MYO9A: variants seen among roughly 807,000 people sequenced by gnomAD.
MYO9A encodes myosin IXA.
In MYO9A, 103 loss-of-function variants were observed where a neutral mutation model predicts 293.3. The observed-to-expected ratio is 0.35, with a 90% CI of 0.30 to 0.41. The LOEUF is 0.41. Ranked by LOEUF, MYO9A falls within the 10% of genes least tolerant of loss-of-function variation. The pLI is 1.00. For missense variants in MYO9A, 2,685 were observed against 3,033.0 expected, an observed-to-expected ratio of 0.89 and a Z score of 2.69; for synonymous variants, 1,001 against 1,035.7, an observed-to-expected ratio of 0.97 and a Z score of 0.64.
rs781744014 is a variant in MYO9A at position 71,826,534 on chromosome 15, A to ATTTG, written c.*42_*45dup. The ATTTG allele has an allele frequency of 4.0e-5, 60 of 1,517,666 alleles. No individual in the cohort carries two copies. Among genetic ancestry groups the ATTTG allele is most frequent in the East Asian group, 3.4e-4 (15 of 44,378 alleles). 94.0% of individuals were successfully genotyped at this position (1,517,666 alleles called of 1,614,324 possible). On this transcript the variant is annotated 3_prime_UTR_variant, in exon 42 of 42. Coordinates refer to ENST00000356056, the MANE Select transcript of MYO9A (RefSeq NM_006901.4). Reference sequence around the variant, plus strand: ...GATGAAACGCAGCCCCAAAGGTGAGATTTGTTTACCACTCTGTAGCCACGG... The same window carrying ATTTG: ...GATGAAACGCAGCCCCAAAGGTGAGATTTGTTTGTTTACCACTCTGTAGCCACGG...
intron 11 of MYO9A, 74 bp downstream of exon 11, chr15:71,991,029 A>C (rs927648937): frequency 3.9e-6 from 5 of 1,274,074 alleles, no homozygotes; most frequent in Non-Finnish European, 4.2e-6. Flanking sequence ...TGAAAAAATG[A>C]AGTGAATTAT....
chr15:71,930,315 T>C (rs998245801), intron 18 of MYO9A, among the ~76,000 whole-genome samples: 38 of 152,180 alleles, frequency 2.5e-4, no homozygotes, highest in African/African-American at 8.4e-4. Context: ...TCCCCTAGGA[T>C]TACTGTATTG....
At chr15:72,075,996 G>C (rs1032948697) in intron 1 of MYO9A, among the ~76,000 whole-genome samples, 1 of 152,158 alleles carries the variant, frequency 6.6e-6, no homozygotes, top group African/African-American at 2.4e-5. Context: ...ATGAAGACTG[G>C]AGGAAGAATT....
chr15:72,015,253 T>C (rs1187712949), intron 6 of MYO9A, among the ~76,000 whole-genome samples: 1 of 152,022 alleles, frequency 6.6e-6, no homozygotes, highest in East Asian at 1.9e-4. Flanking sequence ...GAAAGACATG[T>C]TTAAGGGCGT....
At chr15:72,075,314 G>C (rs1250981921) in intron 1 of MYO9A, among the ~76,000 whole-genome samples, 1 of 151,932 alleles carries the variant, frequency 6.6e-6, no homozygotes, top group Non-Finnish European at 1.5e-5. Flanking sequence ...AAAATTACAG[G>C]ATAGTCAGTC....
chr15:71,874,354 G>C (rs144961106), intron 32 of MYO9A, among the ~76,000 whole-genome samples: 1 of 152,224 alleles, frequency 6.6e-6, no homozygotes, highest in African/African-American at 2.4e-5. Context: ...GTTTCCAGAA[G>C]AAAGTAAAGA....
chr15:71,883,680 GTCT>G lies in MYO9A; in HGVS notation c.5309_5311del (p.Lys1770del), dbSNP rs757758070. 12 of 1,613,444 alleles carry G rather than the reference GTCT, an allele frequency of 7.4e-6. No homozygotes were observed. In the East Asian group the frequency reaches 1.6e-4, roughly 21 times the overall value. On this transcript the variant is annotated inframe_deletion, in exon 28 of 42. Coordinates refer to ENST00000356056, the MANE Select transcript of MYO9A (RefSeq NM_006901.4). ...CTGGGTAGTAGGTTTCACTCTGGTAGTCTTCTTCTCCCCTTGTTTCCCTTTGGC... is the reference window on the plus strand; with the variant it reads ...CTGGGTAGTAGGTTTCACTCTGGTAGTCTTCTCCCCTTGTTTCCCTTTGGC...
chr15:71,964,348 T>G (rs936678361), intron 13 of MYO9A, among the ~76,000 whole-genome samples: 2 of 152,078 alleles, frequency 1.3e-5, no homozygotes, highest in Non-Finnish European at 2.9e-5. Flanking sequence ...ACATAGAAGC[T>G]TAGAGAACCA....
intron 1 of MYO9A, among the ~76,000 whole-genome samples, chr15:72,073,767 G>A (rs949416083): frequency 6.6e-6 from 1 of 152,084 alleles, no homozygotes; most frequent in Non-Finnish European, 1.5e-5. Flanking sequence ...CAAAAGGAAA[G>A]GCCACCAATG....
upstream of MYO9A, chr15:72,118,232 C>T: frequency 2.9e-6 from 1 of 339,708 alleles, no homozygotes; most frequent in Non-Finnish European, 5.3e-6. Context: ...CTGGAGAGTA[C>T]AGCGTGCGCT....
intron 4 of MYO9A, among the ~76,000 whole-genome samples, chr15:72,024,589 C>T (rs962716039): frequency 1.3e-5 from 2 of 152,170 alleles, no homozygotes; most frequent in African/African-American, 4.8e-5. Context: ...TTATGTATAA[C>T]ACTTTTTTCC....
Position 72,118,140 on chromosome 15 carries a change from G to T in MYO9A, c.-532C>A. The T allele has an allele frequency of 2.6e-6, 1 of 377,682 alleles. No homozygotes were observed. The highest frequency in any genetic ancestry group is 1.4e-4 in the South Asian group (1 of 7,058). The allele number at this position is 377,682 out of a possible 1,614,324, so 23.4% of individuals were successfully genotyped here. On this transcript the variant is annotated 5_prime_UTR_variant, in exon 1 of 42. In the 5' UTR this introduces an upstream ATG that the reference lacks. Transcript: ENST00000356056. ...GCGACTCCCCGGCTGCAGGCGAGCA[G>T]GCGCGCGCGCACTTACCTCCCACGC...
chr15:71,913,595 T>C (rs534991520), intron 19 of MYO9A, among the ~76,000 whole-genome samples: 11 of 152,290 alleles, frequency 7.2e-5, no homozygotes, highest in African/African-American at 1.7e-4. Flanking sequence ...GATTTTTTTT[T>C]CCCCCTTGTT....
rs1448692388 is a variant in MYO9A at position 71,825,394 on chromosome 15, A to C, written c.*1186T>G. On this transcript the variant is annotated 3_prime_UTR_variant, in exon 42 of 42. Coordinates refer to ENST00000356056, the MANE Select transcript of MYO9A (RefSeq NM_006901.4). ...TTTACAATAAACTTCAGTAACCAGA[A>C]TATTAACAAAAATAGCTTCAAGTAG... 1 of 152,258 alleles carries C rather than the reference A, an allele frequency of 6.6e-6. No individual in the cohort carries two copies. The highest frequency in any genetic ancestry group is 1.5e-5 in the Non-Finnish European group (1 of 68,044). 9.4% of individuals were successfully genotyped at this position (152,258 alleles called of 1,614,324 possible).
intron 40 of MYO9A, 58 bp from the exon 41 acceptor site, chr15:71,828,084 A>G: frequency 6.5e-7 from 1 of 1,548,450 alleles, no homozygotes; most frequent in Non-Finnish European, 8.7e-7. Flanking sequence ...GGAAGATAAC[A>G]GAAAAAAAGA....
intron 1 of MYO9A, among the ~76,000 whole-genome samples, chr15:72,106,174 T>C (rs1336061105): frequency 6.6e-6 from 1 of 152,044 alleles, no homozygotes; most frequent in African/African-American, 2.4e-5. Flanking sequence ...ATGAAAAAGA[T>C]GGGGATGAAA....
intron 8 of MYO9A, 137 bp from the exon 9 acceptor site, chr15:72,000,077 G>T (rs1290745149): frequency 5.4e-6 from 3 of 550,724 alleles, no homozygotes; most frequent in African/African-American, 3.9e-5. Context: ...CAATACACTG[G>T]GCAATTTTAA....
At chr15:72,074,455 A>G (rs1230263699) in intron 1 of MYO9A, among the ~76,000 whole-genome samples, 6 of 152,216 alleles carry the variant, frequency 3.9e-5, no homozygotes, top group South Asian at 2.1e-4. Context: ...CAATTCCAGA[A>G]AGGAAAAAGC....
intron 26 of MYO9A, chr15:71,889,921 C>T (rs1317406855): frequency 6.6e-6 from 1 of 152,104 alleles, no homozygotes; most frequent in East Asian, 1.9e-4. Flanking sequence ...AGTGTATAGT[C>T]AACAGTGTGG....
Sources: gnomAD v4.1 joint callset for allele counts (sites outside exome capture counted in the v4.1 genomes callset) on GRCh38, gnomAD v4.1.1 for gene constraint, MANE v1.5 for transcripts, NCBI Gene and HGNC (gene_info 2026-07-23, HGNC 2026-07-21) for gene names.